Variants in TPO observed in about 807,000 individuals in gnomAD.
TPO encodes thyroid microsomal antigen.
A neutral mutation model predicts 96.9 loss-of-function variants in TPO; 78 were observed. That is an observed-to-expected ratio of 0.81 (90% CI 0.67 to 0.97). The LOEUF (loss-of-function observed/expected upper bound fraction) is 0.97. TPO is among the 50% of genes least tolerant of loss of function. The pLI is 0.00. For synonymous variants in TPO, 547 were observed against 538.0 expected, an observed-to-expected ratio of 1.02 and a Z score of -0.23; for missense variants, 1,252 against 1,274.8, an observed-to-expected ratio of 0.98 and a Z score of 0.27.
chr2:1,512,541 C>T (rs1292185927), intron 14 of TPO: 1 of 941,096 alleles, frequency 1.1e-6, no homozygotes, highest in Admixed American at 6.2e-5. Context: ...CCGCTCCGCC[C>T]CTGCTGGGCT....
At chr2:1,523,163 CACTGTGTGCAACCTCCTCAAATCCCCCCA>C in intron 15 of TPO, among the ~76,000 whole-genome samples, 2 of 145,282 alleles carry the variant, frequency 1.4e-5, no homozygotes, top group Admixed American at 1.4e-4. Context: ...AAATCCCCCA[CACTGTGTGCAACCTCCTCAAATCCCCCCA>C]ACTGTTTGCA....
At chr2:1,487,402 T>C (rs7574221) in intron 9 of TPO, among the ~76,000 whole-genome samples, 61,869 of 151,946 alleles carry the variant, frequency 0.41, 12,654 homozygotes, top group South Asian at 0.5. Flanking sequence ...TCACACAAGC[T>C]GAATTCATGA....
chr2:1,446,109 C>G (rs1028852637), intron 5 of TPO, among the ~76,000 whole-genome samples: 1 of 152,106 alleles, frequency 6.6e-6, no homozygotes, highest in African/African-American at 2.4e-5. Flanking sequence ...GGGCCTGCAC[C>G]CCCAGATGAG....
intron 14 of TPO, among the ~76,000 whole-genome samples, chr2:1,515,046 C>T (rs530000858): frequency 6.6e-6 from 1 of 152,082 alleles, no homozygotes; most frequent in East Asian, 1.9e-4. Flanking sequence ...TTTCTCAGAA[C>T]CAAATCCAGC....
chr2:1,500,494 A>G (rs1371426140), intron 13 of TPO, among the ~76,000 whole-genome samples: 4 of 152,204 alleles, frequency 2.6e-5, no homozygotes, highest in African/African-American at 9.6e-5. Flanking sequence ...GTTTATGGTA[A>G]ATTGATAAGA....
At chr2:1,434,902 G>A (rs1665405369) in intron 4 of TPO, among the ~76,000 whole-genome samples, 1 of 152,094 alleles carries the variant, frequency 6.6e-6, no homozygotes, top group Non-Finnish European at 1.5e-5. Context: ...TGTTGGTCTT[G>A]TGTGTTACAT....
At position 1,487,934 on chromosome 2, in the gene TPO, A is replaced by G; in HGVS notation, c.1711A>G (p.Ser571Gly). The stretch of plus-strand genomic sequence containing the variant: ...AAGGCTCTTTGTGCTGTCCAATTCC[A>G]GCACCTTGGATCTGGCGTCCATCAA... ...TERLFVLSNS[S>G]TLDLASINLQ... Residue 571 changes from serine (S) to glycine (G), a missense_variant, in exon 10 of 17, where the codon AGC becomes GGC. Coordinates refer to ENST00000329066, the MANE Select transcript of TPO (RefSeq NM_001206744.2). 6.2e-7 allele frequency: 1 copy of G among 1,614,134 alleles called. No individual in the cohort carries two copies. Among genetic ancestry groups the G allele is most frequent in the Non-Finnish European group, 8.5e-7 (1 of 1,180,038 alleles).
At chr2:1,381,468 G>A (rs572634926) in intron 1 of TPO, among the ~76,000 whole-genome samples, 80 of 152,218 alleles carry the variant, frequency 5.3e-4, no homozygotes, top group African/African-American at 1.9e-3. Context: ...CAGCAACGAG[G>A]GGGTGGTGCC....
chr2:1,397,509 G>C (rs950491654), intron 1 of TPO, among the ~76,000 whole-genome samples: 1 of 152,194 alleles, frequency 6.6e-6, no homozygotes, highest in African/African-American at 2.4e-5. Flanking sequence ...CCATCTCAAA[G>C]TTTGTAGCTC....
At chr2:1,517,132 G>C in intron 15 of TPO, 150 bp downstream of exon 15, 1 of 795,390 alleles carries the variant, frequency 1.3e-6, no homozygotes, top group East Asian at 2.7e-5. Context: ...TTTGTACAAC[G>C]TAATAGACTC....
intron 13 of TPO, among the ~76,000 whole-genome samples, chr2:1,500,306 T>G (rs1672746628): frequency 1.3e-5 from 2 of 152,230 alleles, no homozygotes; most frequent in African/African-American, 4.8e-5. Flanking sequence ...CTCTTTTTTT[T>G]GTTTGTTTTA....
At chr2:1,519,388 C>T (rs892449887) in intron 15 of TPO, among the ~76,000 whole-genome samples, 1 of 152,134 alleles carries the variant, frequency 6.6e-6, no homozygotes, top group African/African-American at 2.4e-5. Flanking sequence ...TGCTTCTCCT[C>T]GCGAGAAGAT....
chr2:1,432,059 C>T (rs1275799759), intron 3 of TPO, among the ~76,000 whole-genome samples: 1 of 152,280 alleles, frequency 6.6e-6, no homozygotes, highest in African/African-American at 2.4e-5. Flanking sequence ...GGCCTCCTGT[C>T]AGCTGGAGAG....
chr2:1,480,753 G>GCATCCA (rs1670507946), intron 8 of TPO, among the ~76,000 whole-genome samples: 3 of 151,874 alleles, frequency 2.0e-5, no homozygotes, highest in East Asian at 1.9e-4. Flanking sequence ...TGCTGCATCC[G>GCATCCA]TCCACACCAC....
At chr2:1,432,563 T>G (rs879205690) in intron 3 of TPO, among the ~76,000 whole-genome samples, 276 of 45,622 alleles carry the variant, frequency 6.0e-3, no homozygotes, top group African/African-American at 0.017. Flanking sequence ...GCAGGTGGGG[T>G]GAGGCCTGCA....
chr2:1,418,464 A>G, intron 2 of TPO, among the ~76,000 whole-genome samples: 1 of 152,178 alleles, frequency 6.6e-6, no homozygotes, highest in Non-Finnish European at 1.5e-5. Context: ...AGGATCCCCT[A>G]GGGTCAAAGC....
At chr2:1,509,973 C>G (rs767760228) in intron 14 of TPO, among the ~76,000 whole-genome samples, 6 of 148,384 alleles carry the variant, frequency 4.0e-5, no homozygotes, top group Non-Finnish European at 6.0e-5. Flanking sequence ...GATACCCTCT[C>G]GTTTCAGGGA....
rs139077377 is a variant in TPO, at chr2:1,493,891, G to A, written c.1858G>A (p.Asp620Asn). The change falls in exon 11 of 17, where the codon GAC becomes AAC. Residue 620 changes from aspartate to asparagine, a missense_variant. Asp to Asn is a conservative substitution (Grantham distance 23). Coordinates refer to ENST00000329066, the MANE Select transcript of TPO (RefSeq NM_001206744.2). ...STAIASRSVA[D>N]KILDLYKHPD... ...AGCCATCGCCAGCAGGAGCGTGGCC[G>A]ACAAGATCCTGGACTTGTACAAGCA... 5.8e-5 allele frequency: 94 copies of A among 1,614,048 alleles called. No homozygotes were observed. In the African/African-American group the frequency reaches 7.7e-4, roughly 13 times the overall value.
intron 14 of TPO, among the ~76,000 whole-genome samples, chr2:1,512,096 C>T (rs1029398704): frequency 1.3e-4 from 20 of 151,848 alleles, no homozygotes; most frequent in African/African-American, 2.7e-4. Flanking sequence ...TGCAGTGGCG[C>T]GATCTCAGCC....
Sources: gnomAD v4.1 joint callset for allele counts (sites outside exome capture counted in the v4.1 genomes callset) on GRCh38, gnomAD v4.1.1 for gene constraint, MANE v1.5 for transcripts, NCBI Gene and HGNC (gene_info 2026-07-23, HGNC 2026-07-21) for gene names.